RSPRY1: variants seen among roughly 807,000 people sequenced by gnomAD.
RSPRY1 encodes the protein RING finger and SPRY domain-containing protein 1.
In RSPRY1, 23 loss-of-function variants were observed where a neutral mutation model predicts 73.1. That is an observed-to-expected ratio of 0.31 (90% CI 0.23 to 0.45). The LOEUF (loss-of-function observed/expected upper bound fraction) is 0.45, where lower values mean the gene tolerates loss of function less well. Ranked by LOEUF, RSPRY1 falls within the 20% of genes least tolerant of loss-of-function variation. The probability of loss-of-function intolerance (pLI) is 1.00; values close to 1 mark genes in which losing one functional copy is unlikely to be tolerated. For synonymous variants in RSPRY1, 226 were observed against 251.4 expected (o/e 0.90, Z 0.95); for missense variants, 448 against 698.7 (o/e 0.64, Z 4.05).
chr16:57,225,454 A>G (rs2075105920), intron 10 of RSPRY1, among the ~76,000 whole-genome samples: 1 of 152,244 alleles, frequency 6.6e-6, no homozygotes, highest in Non-Finnish European at 1.5e-5. Context: ...GTCACTTTGG[A>G]GAGCGTTCCT....
At position 57,239,072 on chromosome 16, in the gene RSPRY1, A is replaced by G; in HGVS notation, c.*97A>G. The G allele has an allele frequency of 2.0e-6, 1 of 502,180 alleles. No individual in the cohort carries two copies. The highest frequency in any genetic ancestry group is 3.4e-5 in the East Asian group (1 of 29,396). 31.1% of individuals were successfully genotyped at this position (502,180 alleles called of 1,614,324 possible). A position where few individuals can be genotyped will look rare whatever the true frequency, so the allele number is the denominator to read the frequency against. On this transcript the variant is annotated 3_prime_UTR_variant, in exon 15 of 15. Transcript: ENST00000394420. The stretch of plus-strand genomic sequence containing the variant: ...AAACTCTCTAATCAGTTGTACACAC[A>G]TTGAAACTTATAGCCATGGCCAGAT...
rs781036254 is a variant in RSPRY1, at chr16:57,230,645, G to A, written c.1274-66G>A. The A allele has an allele frequency of 1.3e-4, 116 of 873,412 alleles. 1 individual carries two copies. Among genetic ancestry groups the A allele is most frequent in the Non-Finnish European group, 2.1e-4 (109 of 529,548 alleles). 54.1% of individuals were successfully genotyped at this position (873,412 alleles called of 1,614,324 possible). A position where few individuals can be genotyped will look rare whatever the true frequency, so the allele number is the denominator to read the frequency against. ...AATACAGTGCCATTGAAACACTTGA[G>A]ATGCTTAGCAAAGAATCCTGGTAGT... On this transcript the variant is annotated intron_variant, in intron 11 of 14. Coordinates refer to ENST00000394420, the MANE Select transcript of RSPRY1 (RefSeq NM_133368.3).
intron 2 of RSPRY1, among the ~76,000 whole-genome samples, chr16:57,206,069 T>G (rs1439336122): frequency 6.6e-6 from 1 of 152,176 alleles, no homozygotes; most frequent in Non-Finnish European, 1.5e-5. Flanking sequence ...TGTATTAAAC[T>G]TTTCCATAAA....
rs1433262538 is a variant in RSPRY1 at position 57,213,091 on chromosome 16, A to G, written c.636A>G (p.Lys212=). 5 of 1,611,706 alleles carry G rather than the reference A, an allele frequency of 3.1e-6. No individual in the cohort carries two copies. The African/African-American group carries it at 5.3e-5, about 17-fold the overall frequency. Reference sequence around the variant, plus strand: ...CAGTCCTAGGCTGCTTGGCCGAGAAACTAGCAGGTAACTTTGGGACACTCC... The same window carrying G: ...CAGTCCTAGGCTGCTTGGCCGAGAAGCTAGCAGGTAACTTTGGGACACTCC... ...TSAVLGCLAE[K]LAGPASIGLL... The change falls in exon 5 of 15, where the codon AAA becomes AAG. Residue 212 remains lysine, a synonymous_variant. Coordinates refer to ENST00000394420, the MANE Select transcript of RSPRY1 (RefSeq NM_133368.3).
chr16:57,213,879 T>C lies in RSPRY1; in HGVS notation c.644-9T>C, dbSNP rs369588365. On this transcript the variant is annotated splice_polypyrimidine_tract_variant and intron_variant, in intron 5 of 14. Coordinates refer to ENST00000394420, the MANE Select transcript of RSPRY1 (RefSeq NM_133368.3). The stretch of plus-strand genomic sequence containing the variant: ...TTAATTATATCAAGTGTTTGTTGTA[T>C]TTGTCTAGGTCCTGCAAGTATAGGT... The C allele has an allele frequency of 3.0e-5, 47 of 1,582,092 alleles. 1 individual carries two copies. The highest frequency in any genetic ancestry group is 1.7e-4 in the Middle Eastern group (1 of 5,994).
At chr16:57,216,591 GCA>G (rs1329521254) in intron 7 of RSPRY1, 1 of 360,112 alleles carries the variant, frequency 2.8e-6, no homozygotes, top group African/African-American at 2.1e-5. Context: ...ATGGTGGCAT[GCA>G]CCTATGTTCC....
chr16:57,196,516 G>A (rs910388756), intron 1 of RSPRY1, among the ~76,000 whole-genome samples: 52 of 152,044 alleles, frequency 3.4e-4, no homozygotes, highest in African/African-American at 1.1e-3. Flanking sequence ...AGCTTGGGCC[G>A]GCATCCCAGA....
chr16:57,204,764 G>A lies in RSPRY1; in HGVS notation c.106G>A (p.Ala36Thr), dbSNP rs749775195. The A allele has an allele frequency of 1.9e-6, 3 of 1,614,200 alleles. No individual in the cohort carries two copies. In the Admixed American group the frequency reaches 5.0e-5, roughly 27 times the overall value. The stretch of plus-strand genomic sequence containing the variant: ...AGCCCACTTCCTAGGGACTGGAGGT[G>A]CCGCTACTACCATGGGTAATTCCTG... ...HIAHFLGTGGAATTMGNSCIC... is the reference protein window; with the variant it reads ...HIAHFLGTGGTATTMGNSCIC... Residue 36 changes from alanine to threonine, a missense_variant, in exon 2 of 15, where the codon GCC becomes ACC. Coordinates refer to ENST00000394420, the MANE Select transcript of RSPRY1 (RefSeq NM_133368.3).
At chr16:57,211,788 C>T (rs749013008) in intron 4 of RSPRY1, among the ~76,000 whole-genome samples, 18 of 151,558 alleles carry the variant, frequency 1.2e-4, no homozygotes, top group Non-Finnish European at 1.8e-4. Flanking sequence ...CTATGTTGCC[C>T]AGACTGGTCT....
chr16:57,189,367 T>C (rs145108388), intron 1 of RSPRY1, among the ~76,000 whole-genome samples: 2 of 152,232 alleles, frequency 1.3e-5, no homozygotes, highest in African/African-American at 4.8e-5. Context: ...TCTGCTTTTG[T>C]CAGCAAAATA....
At chr16:57,197,997 AT>A (rs1182592425) in intron 1 of RSPRY1, among the ~76,000 whole-genome samples, 13 of 147,928 alleles carry the variant, frequency 8.8e-5, no homozygotes, top group African/African-American at 3.2e-4. Context: ...AAGTGCTGGG[AT>A]TACAGGCATG....
chr16:57,198,824 C>T (rs2074503017), intron 1 of RSPRY1, among the ~76,000 whole-genome samples: 1 of 152,208 alleles, frequency 6.6e-6, no homozygotes, highest in Admixed American at 6.5e-5. Flanking sequence ...TATGGAAAGG[C>T]TGTGGGGTAT....
At chr16:57,208,239 G>T in intron 3 of RSPRY1, 129 bp downstream of exon 3, 82 of 363,746 alleles carry the variant, frequency 2.3e-4, no homozygotes, top group East Asian at 7.4e-4. Flanking sequence ...ACATAACAAT[G>T]AAAAAAGCCC....
In RSPRY1 at chr16:57,239,424, G is replaced by C. The variant is rs2075347689; in HGVS notation, c.*449G>C. ...AACTTCTCACTGGTCAGAGACACCGGTGTGTCAAGCATGGATATTGCATTG... is the reference window on the plus strand; with the variant it reads ...AACTTCTCACTGGTCAGAGACACCGCTGTGTCAAGCATGGATATTGCATTG... On this transcript the variant is annotated 3_prime_UTR_variant, in exon 15 of 15. Coordinates refer to ENST00000394420, the MANE Select transcript of RSPRY1 (RefSeq NM_133368.3). 6.6e-6 allele frequency: 1 copy of C among 152,372 alleles called. No individual in the cohort carries two copies. The highest frequency in any genetic ancestry group is 1.5e-5 in the Non-Finnish European group (1 of 68,164). The allele number at this position is 152,372 out of a possible 1,614,324, so 9.4% of individuals were successfully genotyped here. A position where few individuals can be genotyped will look rare whatever the true frequency, so the allele number is the denominator to read the frequency against.
intron 1 of RSPRY1, among the ~76,000 whole-genome samples, chr16:57,199,595 G>C (rs2146203414): frequency 6.6e-6 from 1 of 152,362 alleles, no homozygotes. Flanking sequence ...CATGGGCTAG[G>C]TAGAGCAGAA....
At position 57,212,924 on chromosome 16, in the gene RSPRY1, A is replaced by C. The variant is rs111764656; in HGVS notation, c.517-48A>C. ...AAAAAAAAAATGAGCCTGGGAAAAC[A>C]ACCTGTGTAGTATATGGGTCAAACC... is the stretch of plus-strand genomic sequence containing the variant. On this transcript the variant is annotated intron_variant, in intron 4 of 14. Transcript: ENST00000394420. 3.2e-6 allele frequency: 5 copies of C among 1,566,306 alleles called. No individual in the cohort carries two copies. The African/African-American group carries it at 4.1e-5, about 13-fold the overall frequency.
At chr16:57,222,992 CT>C (rs1489957546) in intron 10 of RSPRY1, among the ~76,000 whole-genome samples, 7 of 151,218 alleles carry the variant, frequency 4.6e-5, no homozygotes, top group African/African-American at 1.5e-4. Flanking sequence ...GACTTAAATA[CT>C]GTTTTTTTAT....
intron 1 of RSPRY1, among the ~76,000 whole-genome samples, chr16:57,200,841 C>T (rs1395871869): frequency 1.4e-5 from 2 of 141,192 alleles, no homozygotes; most frequent in Admixed American, 7.0e-5. Flanking sequence ...GCAGAGGCGC[C>T]CCTCACCTCC....
chr16:57,196,020 C>CA (rs1185993362), intron 1 of RSPRY1, among the ~76,000 whole-genome samples: 6,327 of 126,984 alleles, frequency 0.05, 251 homozygotes, highest in East Asian at 0.2. Context: ...GACTTCATCT[C>CA]AAAAAAAAAA....
Sources: gnomAD v4.1 joint callset for allele counts (sites outside exome capture counted in the v4.1 genomes callset) on GRCh38, gnomAD v4.1.1 for gene constraint, MANE v1.5 for transcripts, NCBI Gene and HGNC (gene_info 2026-07-23, HGNC 2026-07-21) for gene names.